The following TPTE2 variants were observed in gnomAD, a reference collection of about 807,000 sequenced individuals.
TPTE2 encodes the protein transmembrane phosphoinositide 3-phosphatase and tensin homolog 2, also known as phosphatidylinositol 3,4,5-trisphosphate 3-phosphatase TPTE2.
Under a neutral mutation model 78.6 loss-of-function variants are expected in TPTE2, and 53 were observed. That is an observed-to-expected ratio of 0.67 (90% CI 0.54 to 0.85). The LOEUF (loss-of-function observed/expected upper bound fraction) is 0.85. Ranked by LOEUF, TPTE2 falls within the 40% of genes least tolerant of loss-of-function variation. The pLI is 0.00. For synonymous variants in TPTE2, 175 were observed against 206.2 expected, an observed-to-expected ratio of 0.85 and a Z score of 1.30; for missense variants, 461 against 623.0, an observed-to-expected ratio of 0.74 and a Z score of 2.77.
intron 13 of TPTE2, among the ~76,000 whole-genome samples, chr13:19,445,309 T>C (rs1231738453): frequency 1.3e-5 from 2 of 152,082 alleles, no homozygotes; most frequent in Non-Finnish European, 2.9e-5. Context: ...AAAGTTACTT[T>C]ACAAAAAAGG....
At chr13:19,446,472 C>T (rs2497233) in intron 13 of TPTE2, among the ~76,000 whole-genome samples, 141,240 of 152,210 alleles carry the variant, frequency 0.93, 65,897 homozygotes, top group East Asian at 1. Context: ...AAAATACTTC[C>T]CCCCCAACTT....
chr13:19,538,519 C>CT (rs71198913), upstream of TPTE2, among the ~76,000 whole-genome samples: 16 of 149,722 alleles, frequency 1.1e-4, no homozygotes, highest in African/African-American at 3.2e-4. Context: ...CACGCCCAGC[C>CT]TTTTTTTTTC....
chr13:19,510,589 G>T (rs867271025), intron 1 of TPTE2, among the ~76,000 whole-genome samples: 1 of 152,072 alleles, frequency 6.6e-6, no homozygotes, highest in Non-Finnish European at 1.5e-5. Flanking sequence ...TCAACATGCG[G>T]TTTGGGGGTA....
chr13:19,482,586 G>T (rs1337675637), intron 3 of TPTE2, 39 bp from the exon 7 acceptor site: 3 of 1,601,732 alleles, frequency 1.9e-6, no homozygotes, highest in Non-Finnish European at 2.6e-6. Flanking sequence ...TATATCATTA[G>T]ATATTTGCTA....
chr13:19,540,649 GT>G (rs2137766356), upstream of TPTE2, among the ~76,000 whole-genome samples: 2 of 152,054 alleles, frequency 1.3e-5, no homozygotes, highest in South Asian at 4.1e-4. Context: ...TTTCATTAAA[GT>G]TTTAAAACAT....
intron 13 of TPTE2, among the ~76,000 whole-genome samples, chr13:19,445,351 T>G (rs1593358693): frequency 6.6e-6 from 1 of 152,242 alleles, no homozygotes; most frequent in South Asian, 2.1e-4. Flanking sequence ...TTAAAAAAAC[T>G]TCCTCAAACT....
rs191110776 is a variant in TPTE2, at chr13:19,479,703, C to T, written c.179+2785G>A. On this transcript the variant is annotated intron_variant, in intron 4 of 19. Coordinates refer to ENST00000400230, the Ensembl canonical transcript of TPTE2. ...TAGAGGCCAGGCGCGGTGGCTCACG[C>T]CTGTAATCCCAGCACTTTGGGTGGC... 2.1e-4 allele frequency among the ~76,000 whole-genome samples: 32 copies of T among 152,204 alleles called. 1 individual carries two copies. The highest frequency in any genetic ancestry group is 1.7e-3 in the Admixed American group (26 of 15,294).
chr13:19,550,268 T>A, the TPTE2 span, among the ~76,000 whole-genome samples: 1 of 152,156 alleles, frequency 6.6e-6, no homozygotes, highest in East Asian at 1.9e-4. Flanking sequence ...AAATTAAATT[T>A]TCTCAGAAAC....
chr13:19,500,693 CA>C (rs547459483), intron 1 of TPTE2, among the ~76,000 whole-genome samples: 2,042 of 151,674 alleles, frequency 0.013, 38 homozygotes, highest in African/African-American at 0.045. Context: ...CAGCCAATAT[CA>C]TACTGAATGG....
At chr13:19,431,795 AG>A (rs1185520987) in intron 16 of TPTE2, among the ~76,000 whole-genome samples, 1 of 138,484 alleles carries the variant, frequency 7.2e-6, no homozygotes, top group Non-Finnish European at 1.6e-5. Context: ...TGGCACCTAT[AG>A]CACCCAGCAC....
At chr13:19,478,410 T>C (rs946659131) in intron 4 of TPTE2, among the ~76,000 whole-genome samples, 1 of 152,048 alleles carries the variant, frequency 6.6e-6, no homozygotes, top group Admixed American at 6.6e-5. Context: ...ACATGAAAAA[T>C]TGCTCACCAT....
chr13:19,462,027 G>C (rs1429213905), intron 10 of TPTE2, among the ~76,000 whole-genome samples: 3 of 149,870 alleles, frequency 2.0e-5, no homozygotes, highest in Non-Finnish European at 3.0e-5. Context: ...ACTATTAATA[G>C]ATGAGGCTTT....
At chr13:19,498,287 A>G (rs1881519260) in intron 1 of TPTE2, among the ~76,000 whole-genome samples, 1 of 151,074 alleles carries the variant, frequency 6.6e-6, no homozygotes, top group African/African-American at 2.4e-5. Flanking sequence ...AGATTCAGGA[A>G]ATACAGAGAA....
At chr13:19,428,216 A>C (rs1421194617) in intron 17 of TPTE2, among the ~76,000 whole-genome samples, 1 of 152,204 alleles carries the variant, frequency 6.6e-6, no homozygotes, top group African/African-American at 2.4e-5. Context: ...TGGGAGGTTG[A>C]GGTGGGCAGA....
At chr13:19,499,203 C>G (rs377276945) in intron 1 of TPTE2, among the ~76,000 whole-genome samples, 6 of 151,158 alleles carry the variant, frequency 4.0e-5, no homozygotes, top group East Asian at 1.9e-4. Flanking sequence ...AATAATGGGA[C>G]ACTTTAACAC....
chr13:19,450,025 T>C (rs776425258), intron 13 of TPTE2, 51 bp downstream of exon 16: 8 of 1,592,876 alleles, frequency 5.0e-6, no homozygotes, highest in Admixed American at 3.6e-5. Flanking sequence ...CTACTTTATC[T>C]ATATTTACAT....
chr13:19,445,504 A>G (rs1877769402), intron 13 of TPTE2, among the ~76,000 whole-genome samples: 1 of 152,234 alleles, frequency 6.6e-6, no homozygotes, highest in Admixed American at 6.5e-5. Context: ...TGGAGTAAAA[A>G]TTGGTACAAC....
At chr13:19,464,179 C>G (rs1285487301) in intron 10 of TPTE2, among the ~76,000 whole-genome samples, 1 of 152,192 alleles carries the variant, frequency 6.6e-6, no homozygotes, top group African/African-American at 2.4e-5. Context: ...ACAGGAAATC[C>G]TTTCTGCAAG....
At chr13:19,548,511 A>G in the TPTE2 span, among the ~76,000 whole-genome samples, 5 of 152,008 alleles carry the variant, frequency 3.3e-5, no homozygotes, top group African/African-American at 1.2e-4. Context: ...ACCATAGAGG[A>G]TATGTAAGAA....
Sources: allele counts gnomAD v4.1 joint callset (sites outside exome capture counted in the v4.1 genomes callset), GRCh38; gene constraint gnomAD v4.1.1; transcripts MANE v1.5; gene names NCBI Gene and HGNC (gene_info 2026-07-23, HGNC 2026-07-21).